Variants in FNIP1 observed in about 807,000 individuals in gnomAD.
FNIP1 encodes folliculin interacting protein 1, also known as folliculin-interacting protein 1.
FNIP1 carries 40 observed loss-of-function variants against 124.5 expected under a neutral mutation model. That is an observed-to-expected ratio of 0.32 (90% confidence interval 0.25 to 0.42). The LOEUF (loss-of-function observed/expected upper bound fraction) is 0.42. Ranked by LOEUF, FNIP1 falls within the 10% of genes least tolerant of loss-of-function variation. The pLI, the probability that FNIP1 is intolerant of heterozygous loss-of-function variation, is 1.00. For synonymous variants in FNIP1, 472 were observed against 470.6 expected (o/e 1.00, Z -0.04); for missense variants, 1,176 against 1,403.7 (o/e 0.84, Z 2.59).
chr5:131,752,624 C>T (rs539480847), intron 1 of FNIP1, among the ~76,000 whole-genome samples: 1 of 148,826 alleles, frequency 6.7e-6, no homozygotes, highest in South Asian at 2.1e-4. Flanking sequence ...ACAGCCAAAA[C>T]AACCCCCACA....
At chr5:131,761,436 T>C (rs1027036781) in intron 1 of FNIP1, among the ~76,000 whole-genome samples, 5 of 152,108 alleles carry the variant, frequency 3.3e-5, no homozygotes, top group Non-Finnish European at 7.4e-5. Flanking sequence ...GGATAAAAAG[T>C]CAACATACAA....
intron 1 of FNIP1, among the ~76,000 whole-genome samples, chr5:131,788,991 A>C (rs1772310502): frequency 6.6e-6 from 1 of 152,238 alleles, no homozygotes; most frequent in Non-Finnish European, 1.5e-5. Context: ...CAGTATTTAC[A>C]CTAGCCAAGA....
At chr5:131,648,376 A>C (rs1250761014) in intron 16 of FNIP1, among the ~76,000 whole-genome samples, 1 of 151,972 alleles carries the variant, frequency 6.6e-6, no homozygotes, top group Non-Finnish European at 1.5e-5. Flanking sequence ...AATTTACTAA[A>C]ATAGGTGATT....
Position 131,672,814 on chromosome 5 carries a change from T to G in FNIP1, c.1630A>C (p.Arg544=). Reference sequence around the variant, plus strand: ...TGCGTTTCTTGAAGTTCAGAGCATCTTATAAAATAAGTAAGAAAATAAAGT... The same window carrying G: ...TGCGTTTCTTGAAGTTCAGAGCATCGTATAAAATAAGTAAGAAAATAAAGT... ...RLLYFLTYFI[R]CSELQETHLL... is the part of the protein sequence containing the mutation. The change falls in exon 14 of 18, where the codon AGA becomes CGA. Residue 544 remains arginine (R), a synonymous_variant. Coordinates refer to ENST00000510461, the MANE Select transcript of FNIP1 (RefSeq NM_133372.3). 6.2e-7 allele frequency: 1 copy of G among 1,613,188 alleles called. No homozygotes were observed. Among genetic ancestry groups the G allele is most frequent in the East Asian group, 2.2e-5 (1 of 44,894 alleles).
intron 9 of FNIP1, 64 bp downstream of exon 9, chr5:131,706,347 A>G: frequency 6.9e-7 from 1 of 1,441,722 alleles, no homozygotes; most frequent in Non-Finnish European, 9.2e-7. Context: ...GTTCTAAAAA[A>G]CCCATATAAA....
chr5:131,707,980 TAA>T (rs1769170244), intron 8 of FNIP1, among the ~76,000 whole-genome samples: 1 of 152,070 alleles, frequency 6.6e-6, no homozygotes, highest in African/African-American at 2.4e-5. Flanking sequence ...TTAAAAGAAA[TAA>T]ACTCTAGATT....
intron 5 of FNIP1, among the ~76,000 whole-genome samples, chr5:131,717,618 T>A (rs1255257009): frequency 1.3e-5 from 2 of 152,144 alleles, no homozygotes; most frequent in Admixed American, 6.5e-5. Flanking sequence ...CTGTAATATA[T>A]TACAAATAAC....
chr5:131,771,604 G>A (rs1345233781), intron 1 of FNIP1, among the ~76,000 whole-genome samples: 2 of 152,128 alleles, frequency 1.3e-5, no homozygotes, highest in Non-Finnish European at 2.9e-5. Context: ...TCAAAAATCT[G>A]TAAGTCCTCT....
chr5:131,739,239 G>GT (rs1770423394), intron 2 of FNIP1, among the ~76,000 whole-genome samples: 2 of 152,160 alleles, frequency 1.3e-5, no homozygotes, highest in Admixed American at 1.3e-4. Flanking sequence ...GATGTACACT[G>GT]TAAGATATGA....
At chr5:131,652,328 GT>G (rs1248087154) in intron 15 of FNIP1, among the ~76,000 whole-genome samples, 1 of 152,086 alleles carries the variant, frequency 6.6e-6, no homozygotes, top group Non-Finnish European at 1.5e-5. Flanking sequence ...GAAAGAAAAT[GT>G]TTTTTTACCC....
intron 11 of FNIP1, among the ~76,000 whole-genome samples, chr5:131,689,389 G>A (rs905899729): frequency 2.0e-5 from 3 of 152,040 alleles, no homozygotes; most frequent in African/African-American, 7.2e-5. Flanking sequence ...AGTAATAAAT[G>A]TAAAATAAAG....
intron 7 of FNIP1, among the ~76,000 whole-genome samples, chr5:131,710,021 T>G (rs1223488681): frequency 6.6e-6 from 1 of 152,228 alleles, no homozygotes; most frequent in East Asian, 1.9e-4. Context: ...TATATACACA[T>G]GAACATACTC....
At chr5:131,786,675 G>A (rs1772230034) in intron 1 of FNIP1, among the ~76,000 whole-genome samples, 1 of 152,156 alleles carries the variant, frequency 6.6e-6, no homozygotes, top group South Asian at 2.1e-4. Flanking sequence ...TGAGGGCTCT[G>A]CCCTCATGAA....
At chr5:131,751,129 C>A (rs56867565) in intron 1 of FNIP1, among the ~76,000 whole-genome samples, 4,523 of 152,178 alleles carry the variant, frequency 0.03, 220 homozygotes, top group African/African-American at 0.1. Flanking sequence ...AGACTCTTTT[C>A]ATGTTACCCA....
intron 1 of FNIP1, among the ~76,000 whole-genome samples, chr5:131,786,111 A>C (rs1772207466): frequency 6.6e-6 from 1 of 152,220 alleles, no homozygotes; most frequent in African/African-American, 2.4e-5. Context: ...AATCTGCTTA[A>C]ATTGCTCATT....
intron 1 of FNIP1, chr5:131,796,557 A>G (rs1182236781): frequency 2.0e-6 from 1 of 510,922 alleles, no homozygotes; most frequent in Non-Finnish European, 3.5e-6. Flanking sequence ...GGTCCGGAGG[A>G]GCAGAGTCGC....
intron 6 of FNIP1, among the ~76,000 whole-genome samples, chr5:131,711,221 T>G (rs1769281296): frequency 1.3e-5 from 2 of 152,188 alleles, no homozygotes; most frequent in Admixed American, 1.3e-4. Flanking sequence ...AAACCAAGGT[T>G]ACTAAACCAG....
intron 2 of FNIP1, among the ~76,000 whole-genome samples, chr5:131,742,005 G>A (rs908443035): frequency 1.3e-5 from 2 of 152,138 alleles, no homozygotes; most frequent in Admixed American, 1.3e-4. Context: ...TAGCAGGACA[G>A]ATGGACGCTG....
chr5:131,724,323 C>G (rs997187252), intron 3 of FNIP1, among the ~76,000 whole-genome samples: 1 of 152,302 alleles, frequency 6.6e-6, no homozygotes, highest in Admixed American at 6.5e-5. Context: ...TACACTCCCA[C>G]CAACAGTGTA....
Sources: gnomAD v4.1 joint callset for allele counts (sites outside exome capture counted in the v4.1 genomes callset) on GRCh38, gnomAD v4.1.1 for gene constraint, MANE v1.5 for transcripts, NCBI Gene and HGNC (gene_info 2026-07-23, HGNC 2026-07-21) for gene names.